SLC6A2: variants seen among roughly 807,000 people sequenced by gnomAD.
The protein encoded by SLC6A2 is sodium-dependent noradrenaline transporter.
In SLC6A2, 26 loss-of-function variants were observed where a neutral mutation model predicts 71.7. The ratio of observed to expected loss-of-function variants is 0.36; its 90% CI spans 0.27 to 0.50. The LOEUF (loss-of-function observed/expected upper bound fraction) is 0.50, where lower values mean the gene tolerates loss of function less well. SLC6A2 is among the 20% of genes least tolerant of loss of function. The pLI, the probability that SLC6A2 is intolerant of heterozygous loss-of-function variation, is 0.96. For missense variants in SLC6A2, 581 were observed against 803.9 expected, an observed-to-expected ratio of 0.72 and a Z score of 3.35; for synonymous variants, 363 against 337.9, an observed-to-expected ratio of 1.07 and a Z score of -0.82.
In SLC6A2 at chr16:55,704,409, T is replaced by C. The variant is rs926027622; in HGVS notation, c.*2063T>C. Reference sequence around the variant, plus strand: ...ATTATTTTGAATATTCCCTGCACAATAGGGTTCACCCCACCCAGGACTGTC... The same window carrying C: ...ATTATTTTGAATATTCCCTGCACAACAGGGTTCACCCCACCCAGGACTGTC... On this transcript the variant is annotated 3_prime_UTR_variant, in exon 15 of 15. Coordinates refer to ENST00000568943, the MANE Select transcript of SLC6A2 (RefSeq NM_001172501.3). The C allele has an allele frequency of 2.6e-5, 4 of 152,146 alleles. No individual in the cohort carries two copies. Among genetic ancestry groups the C allele is most frequent in the African/African-American group, 7.2e-5 (3 of 41,436 alleles). 9.4% of individuals were successfully genotyped at this position (152,146 alleles called of 1,614,324 possible).
At chr16:55,689,231 A>C (rs1965542118) in intron 5 of SLC6A2, among the ~76,000 whole-genome samples, 1 of 152,212 alleles carries the variant, frequency 6.6e-6, no homozygotes, top group Non-Finnish European at 1.5e-5. Context: ...AAGATCCAGG[A>C]ATCCTTCTTT....
At chr16:55,682,469 G>A (rs1048849876) in intron 4 of SLC6A2, among the ~76,000 whole-genome samples, 4 of 152,182 alleles carry the variant, frequency 2.6e-5, no homozygotes, top group African/African-American at 7.2e-5. Context: ...TATAGTTAGA[G>A]GGATTGTTGG....
At chr16:55,692,517 C>T (rs756366321) in intron 6 of SLC6A2, among the ~76,000 whole-genome samples, 7 of 152,176 alleles carry the variant, frequency 4.6e-5, no homozygotes, top group Non-Finnish European at 1.0e-4. Context: ...TCCCCAACAC[C>T]CTCATCCAAC....
At chr16:55,698,141 C>T (rs1965857927) in intron 10 of SLC6A2, 116 bp downstream of exon 10, 2 of 1,156,306 alleles carry the variant, frequency 1.7e-6, no homozygotes, top group Non-Finnish European at 2.6e-6. Context: ...ATGCAGGATC[C>T]AGCATCCTCA....
In SLC6A2 at chr16:55,702,379, C is replaced by T. The variant is rs1329984956; in HGVS notation, c.*33C>T. ...TGGAGGAGAAGGAGGAACCCCCATGCCAATGTCCAGGTCACAGGCATCCGC... is the reference window on the plus strand; with the variant it reads ...TGGAGGAGAAGGAGGAACCCCCATGTCAATGTCCAGGTCACAGGCATCCGC... On this transcript the variant is annotated 3_prime_UTR_variant, in exon 15 of 15. Coordinates refer to ENST00000568943, the MANE Select transcript of SLC6A2 (RefSeq NM_001172501.3). 74 of 1,614,054 alleles carry T rather than the reference C, an allele frequency of 4.6e-5. No individual in the cohort carries two copies. Among genetic ancestry groups the T allele is most frequent in the Non-Finnish European group, 5.9e-5 (70 of 1,180,032 alleles).
intron 2 of SLC6A2, among the ~76,000 whole-genome samples, chr16:55,664,767 G>A (rs1012980878): frequency 8.5e-5 from 13 of 152,310 alleles, no homozygotes; most frequent in African/African-American, 3.1e-4. Context: ...GCAGGGCTGA[G>A]GGACAGGATT....
chr16:55,666,704 A>C (rs1458194168), intron 2 of SLC6A2, among the ~76,000 whole-genome samples: 1 of 152,172 alleles, frequency 6.6e-6, no homozygotes, highest in Middle Eastern at 3.2e-3. Flanking sequence ...CAGCCAGCAG[A>C]GGAAGAATAA....
At chr16:55,670,304 C>T (rs1964870344) in intron 3 of SLC6A2, among the ~76,000 whole-genome samples, 1 of 152,196 alleles carries the variant, frequency 6.6e-6, no homozygotes, top group African/African-American at 2.4e-5. Flanking sequence ...CAGTGTGACT[C>T]CCATGAGCCT....
chr16:55,657,112 A>C, intron 2 of SLC6A2, 144 bp downstream of exon 2: 1 of 832,188 alleles, frequency 1.2e-6, no homozygotes, highest in Non-Finnish European at 1.8e-6. Context: ...GACAGGGCTA[A>C]CGGGAAAAAA....
At chr16:55,685,307 C>G in intron 5 of SLC6A2, 26 bp downstream of exon 5, 1 of 1,610,446 alleles carries the variant, frequency 6.2e-7, no homozygotes, top group Non-Finnish European at 8.5e-7. Flanking sequence ...TTCTCTTTCA[C>G]TTACTTGGGT....
chr16:55,687,560 A>T (rs780307442), intron 5 of SLC6A2, among the ~76,000 whole-genome samples: 33,734 of 152,066 alleles, frequency 0.22, 4,227 homozygotes, highest in African/African-American at 0.33. Context: ...AGCCTTGTCT[A>T]GCACTCTCTG....
intron 2 of SLC6A2, among the ~76,000 whole-genome samples, chr16:55,668,138 T>C (rs562749694): frequency 4.6e-5 from 7 of 152,152 alleles, no homozygotes; most frequent in Non-Finnish European, 4.4e-5. Flanking sequence ...GGACTAGGTC[T>C]CTCAGCATTA....
intron 8 of SLC6A2, among the ~76,000 whole-genome samples, chr16:55,695,936 G>A (rs914903625): frequency 2.0e-5 from 3 of 152,252 alleles, no homozygotes; most frequent in African/African-American, 7.2e-5. Flanking sequence ...AGGACCCCAA[G>A]CTTTAGTGAG....
At chr16:55,697,809 T>A (rs1334580739) in intron 9 of SLC6A2, 88 bp from the exon 10 acceptor site, 5 of 1,460,760 alleles carry the variant, frequency 3.4e-6, no homozygotes, top group Non-Finnish European at 9.5e-7. Context: ...AGTCCTGGGC[T>A]GCAGGAGGCT....
intron 5 of SLC6A2, among the ~76,000 whole-genome samples, chr16:55,687,111 C>T (rs1965475300): frequency 3.3e-4 from 1 of 3,002 alleles, no homozygotes; most frequent in Admixed American, 4.3e-3. Context: ...GGTCTCTATC[C>T]AGAGAACATA....
chr16:55,705,201 T>TA lies in SLC6A2; in HGVS notation c.*2856dup, dbSNP rs1265668975. On this transcript the variant is annotated 3_prime_UTR_variant, in exon 15 of 15. Transcript: ENST00000568943. ...GTCTAGTTATTTAGCACCCACCTTT[T>TA]AGCTTTCATTCTAGATGAAAACGAG... 3.4e-5 allele frequency: 52 copies of TA among 1,532,298 alleles called. No homozygotes were observed. The highest frequency in any genetic ancestry group is 4.5e-5 in the Non-Finnish European group (51 of 1,143,212). 94.9% of individuals were successfully genotyped at this position (1,532,298 alleles called of 1,614,324 possible). A position where few individuals can be genotyped will look rare whatever the true frequency, so the allele number is the denominator to read the frequency against.
intron 13 of SLC6A2, 98 bp downstream of exon 13, chr16:55,700,404 G>A (rs925267294): frequency 9.1e-6 from 10 of 1,102,352 alleles, no homozygotes; most frequent in African/African-American, 3.1e-5. Context: ...AGGGACAGAA[G>A]GACACAGACA....
Position 55,699,792 on chromosome 16 carries a change from A to T in SLC6A2, c.1590+138A>T, listed in dbSNP as rs992124766. On this transcript the variant is annotated intron_variant, in intron 12 of 14. Coordinates refer to ENST00000568943, the MANE Select transcript of SLC6A2 (RefSeq NM_001172501.3). ...TGGTCATGCAGAGGGGTCACTTGGG[A>T]TGCTTGGCCCTGTGGATAACGTGGT... is the stretch of plus-strand genomic sequence containing the variant. 29 of 731,622 alleles carry T rather than the reference A, an allele frequency of 4.0e-5. No individual in the cohort carries two copies. The African/African-American group carries it at 4.9e-4, about 12-fold the overall frequency. The allele number at this position is 731,622 out of a possible 1,614,324, so 45.3% of individuals were successfully genotyped here.
At chr16:55,680,676 A>G (rs1286237629) in intron 4 of SLC6A2, among the ~76,000 whole-genome samples, 1 of 152,188 alleles carries the variant, frequency 6.6e-6, no homozygotes, top group African/African-American at 2.4e-5. Flanking sequence ...ACCCAGGAAC[A>G]GTACTTTGCA....
Sources: allele counts gnomAD v4.1 joint callset (sites outside exome capture counted in the v4.1 genomes callset), GRCh38; gene constraint gnomAD v4.1.1; transcripts MANE v1.5; gene names NCBI Gene and HGNC (gene_info 2026-07-23, HGNC 2026-07-21).